Variants in GPC5 observed in about 807,000 individuals in gnomAD.
GPC5 encodes glypican-5.
GPC5 carries 47 observed loss-of-function variants against 53.9 expected under a neutral mutation model. That is an observed-to-expected ratio of 0.87 (90% CI 0.69 to 1.11). The LOEUF (loss-of-function observed/expected upper bound fraction) is 1.11. Ranked by LOEUF, GPC5 falls within the 50% of genes most tolerant of loss-of-function variation. GPC5 has a pLI of 0.00. For synonymous variants in GPC5, 286 were observed against 263.3 expected (o/e 1.09, Z -0.84); for missense variants, 748 against 713.1 (o/e 1.05, Z -0.56).
chr13:91,530,452 C>A (rs1886293133), intron 2 of GPC5, among the ~76,000 whole-genome samples: 1 of 152,192 alleles, frequency 6.6e-6, no homozygotes, highest in Admixed American at 6.5e-5. Context: ...ACCTCTGACA[C>A]CAGTATTCGA....
intron 7 of GPC5, among the ~76,000 whole-genome samples, chr13:92,418,647 C>T (rs1029584285): frequency 2.0e-5 from 3 of 152,074 alleles, no homozygotes; most frequent in African/African-American, 4.8e-5. Flanking sequence ...TTATCTTTAG[C>T]TTGATGGCAT....
At chr13:92,767,919 T>C (rs1482872097) in intron 7 of GPC5, among the ~76,000 whole-genome samples, 1 of 152,204 alleles carries the variant, frequency 6.6e-6, no homozygotes, top group African/African-American at 2.4e-5. Flanking sequence ...TATTTTTAAA[T>C]TTTTATGGAA....
chr13:91,927,152 G>T (rs1436492146), intron 6 of GPC5, among the ~76,000 whole-genome samples: 5 of 152,132 alleles, frequency 3.3e-5, no homozygotes, highest in Admixed American at 3.3e-4. Context: ...ATTACTAATA[G>T]AGAAATTACA....
chr13:92,060,226 T>C (rs1335669181), intron 6 of GPC5, among the ~76,000 whole-genome samples: 3 of 152,058 alleles, frequency 2.0e-5, no homozygotes, highest in African/African-American at 4.8e-5. Context: ...GTGGAAATTA[T>C]GTAGATATAA....
At chr13:92,829,163 C>T (rs1877959480) in intron 7 of GPC5, among the ~76,000 whole-genome samples, 1 of 152,078 alleles carries the variant, frequency 6.6e-6, no homozygotes, top group African/African-American at 2.4e-5. Flanking sequence ...ACTAGGAATG[C>T]CCATATGTCA....
At chr13:92,521,171 G>C (rs906371543) in intron 7 of GPC5, among the ~76,000 whole-genome samples, 3 of 152,148 alleles carry the variant, frequency 2.0e-5, no homozygotes, top group Admixed American at 2.0e-4. Context: ...CGGGTGGGAA[G>C]AATCAATATC....
intron 7 of GPC5, among the ~76,000 whole-genome samples, chr13:92,182,725 C>T (rs1216068798): frequency 1.3e-5 from 2 of 152,086 alleles, no homozygotes; most frequent in Non-Finnish European, 1.5e-5. Flanking sequence ...AAAAATTAGC[C>T]GGGCGCGGTG....
intron 5 of GPC5, among the ~76,000 whole-genome samples, chr13:91,882,764 T>C (rs2039281483): frequency 2.0e-5 from 3 of 151,112 alleles, no homozygotes; most frequent in Admixed American, 2.0e-4. Flanking sequence ...AAGCTGATTT[T>C]TTTTTGTTTT....
rs532220328 is a variant in GPC5 at position 92,565,329 on chromosome 13, A to G, written c.1562-300953A>G. Among the ~76,000 whole-genome samples the G allele has an allele frequency of 2.6e-5, 4 of 152,092 alleles. No homozygotes were observed. In the East Asian group the frequency reaches 7.7e-4, roughly 29 times the overall value. On this transcript the variant is annotated intron_variant, in intron 7 of 7. Coordinates refer to ENST00000377067, the MANE Select transcript of GPC5 (RefSeq NM_004466.6). ...CAGGCACTTTCACCTTGGTTTTTTT[A>G]TTTCTTTTCTTAAAGATTAGTTTTA... is the stretch of plus-strand genomic sequence containing the variant.
At chr13:92,720,985 T>G (rs1389972563) in intron 7 of GPC5, among the ~76,000 whole-genome samples, 1 of 152,036 alleles carries the variant, frequency 6.6e-6, no homozygotes, top group Non-Finnish European at 1.5e-5. Context: ...AAGTGTTTTC[T>G]CTCTCTGTAT....
At chr13:91,644,902 TAA>T (rs2139514086) in intron 2 of GPC5, among the ~76,000 whole-genome samples, 1 of 152,298 alleles carries the variant, frequency 6.6e-6, no homozygotes, top group South Asian at 2.1e-4. Flanking sequence ...AATAATAACT[TAA>T]AGACTGTTAC....
intron 5 of GPC5, among the ~76,000 whole-genome samples, chr13:91,766,319 T>C (rs549275541): frequency 9.2e-5 from 14 of 152,324 alleles, no homozygotes; most frequent in African/African-American, 3.4e-4. Context: ...AACTTTCAGA[T>C]TATGTTTTCT....
chr13:92,353,263 T>G (rs1379730374), intron 7 of GPC5, among the ~76,000 whole-genome samples: 1 of 48,738 alleles, frequency 2.1e-5, no homozygotes, highest in Non-Finnish European at 4.0e-5. Flanking sequence ...CGAGACTCCG[T>G]CTCAAAAAAA....
chr13:91,971,766 T>C (rs2040244651), intron 6 of GPC5, among the ~76,000 whole-genome samples: 1 of 152,232 alleles, frequency 6.6e-6, no homozygotes, highest in South Asian at 2.1e-4. Flanking sequence ...TTCCATGTAG[T>C]TGAGCAGTTT....
At chr13:91,811,130 AAT>A (rs2038305590) in intron 5 of GPC5, among the ~76,000 whole-genome samples, 1 of 152,036 alleles carries the variant, frequency 6.6e-6, no homozygotes, top group African/African-American at 2.4e-5. Context: ...CAATTTAAAA[AAT>A]AGTCTGGGTG....
intron 7 of GPC5, among the ~76,000 whole-genome samples, chr13:92,391,071 T>G (rs1037439276): frequency 5.9e-5 from 9 of 152,188 alleles, no homozygotes; most frequent in African/African-American, 2.2e-4. Flanking sequence ...TTTAATTTGC[T>G]TTGTATAAAC....
intron 7 of GPC5, among the ~76,000 whole-genome samples, chr13:92,491,339 A>G (rs1238363440): frequency 6.6e-6 from 1 of 152,166 alleles, no homozygotes; most frequent in Non-Finnish European, 1.5e-5. Flanking sequence ...GAAGAACCAG[A>G]ATTACTTTAT....
At chr13:92,412,161 A>C (rs978551587) in intron 7 of GPC5, among the ~76,000 whole-genome samples, 1 of 152,208 alleles carries the variant, frequency 6.6e-6, no homozygotes, top group Non-Finnish European at 1.5e-5. Context: ...AATAGTTGAA[A>C]AAACTCTTAA....
intron 5 of GPC5, among the ~76,000 whole-genome samples, chr13:91,837,270 A>C (rs1195551798): frequency 2.0e-5 from 3 of 152,000 alleles, no homozygotes; most frequent in Non-Finnish European, 2.9e-5. Context: ...AGGACCAAAA[A>C]CTTTTTGATC....
Sources: allele counts gnomAD v4.1 joint callset (sites outside exome capture counted in the v4.1 genomes callset), GRCh38; gene constraint gnomAD v4.1.1; transcripts MANE v1.5; gene names NCBI Gene and HGNC (gene_info 2026-07-23, HGNC 2026-07-21).